The following ASPH variants were observed in gnomAD, a reference collection of about 807,000 sequenced individuals.
The protein encoded by ASPH is aspartyl/asparaginyl beta-hydroxylase.
In ASPH, 100 loss-of-function variants were observed where a neutral mutation model predicts 118.4. The observed-to-expected ratio is 0.84, with a 90% CI of 0.72 to 1.00. ASPH has a LOEUF of 1.00. Ranked by LOEUF, ASPH falls within the 50% of genes least tolerant of loss-of-function variation. The pLI is 0.00. For missense variants in ASPH, 920 were observed against 919.5 expected (o/e 1.00, Z -0.01); for synonymous variants, 315 against 325.6 (o/e 0.97, Z 0.35).
At chr8:61,596,389 T>C (rs1260786914) in intron 14 of ASPH, among the ~76,000 whole-genome samples, 2 of 152,218 alleles carry the variant, frequency 1.3e-5, no homozygotes, top group African/African-American at 2.4e-5. Flanking sequence ...ACATGCTGCC[T>C]AGGTGCCTGA....
At chr8:61,537,663 C>T (rs910327041) in intron 21 of ASPH, among the ~76,000 whole-genome samples, 1 of 152,158 alleles carries the variant, frequency 6.6e-6, no homozygotes, top group African/African-American at 2.4e-5. Context: ...TTTAAGACAT[C>T]TATCTGTGTA....
At chr8:61,540,626 G>T (rs1041144354) in intron 21 of ASPH, among the ~76,000 whole-genome samples, 2 of 152,112 alleles carry the variant, frequency 1.3e-5, no homozygotes, top group Non-Finnish European at 2.9e-5. Flanking sequence ...TCTTTATAGC[G>T]ATGCAAGAAT....
At chr8:61,561,152 A>AAGGAAGGAAGGAAGG in intron 18 of ASPH, among the ~76,000 whole-genome samples, 1 of 146,200 alleles carries the variant, frequency 6.8e-6, no homozygotes, top group African/African-American at 2.6e-5. Flanking sequence ...GGAAGTTAGG[A>AAGGAAGGAAGGAAGG]ATTCTACAAG....
chr8:61,565,287 T>C (rs897824563), intron 17 of ASPH, among the ~76,000 whole-genome samples: 2 of 152,210 alleles, frequency 1.3e-5, no homozygotes, highest in Admixed American at 6.5e-5. Flanking sequence ...CAGTAAATTT[T>C]TTTTAGAGTA....
intron 15 of ASPH, chr8:61,583,175 G>A (rs1838122553): frequency 6.6e-6 from 1 of 151,978 alleles, no homozygotes; most frequent in South Asian, 2.1e-4. Context: ...CCTGAGTAAT[G>A]GACTGACCTA....
intron 20 of ASPH, among the ~76,000 whole-genome samples, chr8:61,548,705 G>A (rs544313897): frequency 1.2e-4 from 18 of 152,252 alleles, no homozygotes; most frequent in African/African-American, 3.4e-4. Context: ...ACACCAAGGC[G>A]TCAGAGTGCA....
rs5891814 is a variant in ASPH, at chr8:61,590,550, C to CTGTG, written c.977-6525_977-6522dup. On this transcript the variant is annotated intron_variant, in intron 14 of 24. Transcript: ENST00000379454. ...ATTAAATACGGACCTTAATTTAACT[C>CTGTG]TGTGTGTGTGTGTGTGTGTGTGTGT... Among the ~76,000 whole-genome samples the CTGTG allele has an allele frequency of 8.3e-3, 1,218 of 146,782 alleles. 17 individuals are homozygous for CTGTG. The highest frequency in any genetic ancestry group is 0.024 in the African/African-American group (938 of 39,500).
At chr8:61,671,631 T>C (rs1361074173) in intron 3 of ASPH, among the ~76,000 whole-genome samples, 1 of 152,234 alleles carries the variant, frequency 6.6e-6, no homozygotes, top group African/African-American at 2.4e-5. Context: ...TTGATGTAAG[T>C]ATTTAAAGTG....
chr8:61,642,245 T>C (rs187775512), intron 10 of ASPH, among the ~76,000 whole-genome samples: 1 of 152,344 alleles, frequency 6.6e-6, no homozygotes, highest in East Asian at 1.9e-4. Flanking sequence ...GATTAACCTG[T>C]AGAAGCAGCT....
At chr8:61,692,555 T>C (rs13262237) in intron 1 of ASPH, among the ~76,000 whole-genome samples, 22,235 of 152,100 alleles carry the variant, frequency 0.15, 1,653 homozygotes, top group African/African-American at 0.18. Flanking sequence ...CCAGGACATA[T>C]GCCCACTGAG....
intron 14 of ASPH, among the ~76,000 whole-genome samples, chr8:61,617,836 G>C (rs554426094): frequency 1.3e-4 from 20 of 151,608 alleles, no homozygotes; most frequent in African/African-American, 4.8e-4. Context: ...GGGAGGCTGA[G>C]GCAGGAGAAT....
At chr8:61,547,846 G>A (rs765341307) in intron 21 of ASPH, among the ~76,000 whole-genome samples, 1 of 152,042 alleles carries the variant, frequency 6.6e-6, no homozygotes, top group Non-Finnish European at 1.5e-5. Flanking sequence ...AGGGTCCTAA[G>A]GCCAAAAAGG....
chr8:61,665,085 C>A, intron 3 of ASPH: 1 of 1,391,744 alleles, frequency 7.2e-7, no homozygotes, highest in Non-Finnish European at 9.3e-7. Context: ...AAGTATGAGA[C>A]GGTATATTTA....
At chr8:61,645,301 T>C (rs1289122837) in intron 6 of ASPH, among the ~76,000 whole-genome samples, 1 of 152,190 alleles carries the variant, frequency 6.6e-6, no homozygotes, top group African/African-American at 2.4e-5. Context: ...CTTAAAAGTG[T>C]TTCTTCCTAC....
intron 2 of ASPH, among the ~76,000 whole-genome samples, chr8:61,682,844 T>C (rs1311670446): frequency 3.3e-5 from 5 of 152,116 alleles, no homozygotes; most frequent in African/African-American, 1.2e-4. Flanking sequence ...ATATCACCCA[T>C]GCAACATTGT....
chr8:61,539,712 G>GTGTGTA (rs1286285385), intron 21 of ASPH, among the ~76,000 whole-genome samples: 7 of 150,142 alleles, frequency 4.7e-5, no homozygotes, highest in Non-Finnish European at 7.4e-5. Context: ...GTGTGTGTGT[G>GTGTGTA]TGTGTGTGTG....
chr8:61,683,882 A>C, intron 2 of ASPH, 157 bp downstream of exon 2: 4 of 830,406 alleles, frequency 4.8e-6, no homozygotes, highest in Non-Finnish European at 7.3e-6. Context: ...ACTCCAAGGT[A>C]ACCTTCTTCA....
At chr8:61,508,985 C>T (rs187191526) in intron 24 of ASPH, among the ~76,000 whole-genome samples, 4 of 152,038 alleles carry the variant, frequency 2.6e-5, no homozygotes, top group Admixed American at 6.6e-5. Context: ...GTAAGCAAAA[C>T]GTAAAACTGC....
intron 1 of ASPH, among the ~76,000 whole-genome samples, chr8:61,708,813 T>C (rs113157958): frequency 0.027 from 4,126 of 152,182 alleles, 186 homozygotes; most frequent in African/African-American, 0.093. Flanking sequence ...TTTCTCCAAG[T>C]ACAGAGATAG....
Sources: gnomAD v4.1 joint callset for allele counts (sites outside exome capture counted in the v4.1 genomes callset) on GRCh38, gnomAD v4.1.1 for gene constraint, MANE v1.5 for transcripts, NCBI Gene and HGNC (gene_info 2026-07-23, HGNC 2026-07-21) for gene names.